Variants in METTL15 observed in about 807,000 individuals in gnomAD.
METTL15 encodes the protein methyltransferase 15, mitochondrial 12S rRNA N4-cytidine, also known as 12S rRNA N(4)-cytidine methyltransferase METTL15.
METTL15 carries 34 observed loss-of-function variants against 38.3 expected under a neutral mutation model. The ratio of observed to expected loss-of-function variants is 0.89; its 90% confidence interval spans 0.68 to 1.18. The LOEUF is 1.18. METTL15 is among the 50% of genes most tolerant of loss of function. The probability of loss-of-function intolerance (pLI) is 0.00; values close to 1 mark genes in which losing one functional copy is unlikely to be tolerated. For missense variants in METTL15, 438 were observed against 498.4 expected, an observed-to-expected ratio of 0.88 and a Z score of 1.15; for synonymous variants, 162 against 170.9, an observed-to-expected ratio of 0.95 and a Z score of 0.41.
At chr11:28,240,651 G>A (rs1854253250) in intron 4 of METTL15, among the ~76,000 whole-genome samples, 2 of 152,106 alleles carry the variant, frequency 1.3e-5, no homozygotes, top group African/African-American at 4.8e-5. Flanking sequence ...TTTAAAATAT[G>A]CCTAATCTTT....
chr11:28,163,501 C>A (rs996643161), intron 3 of METTL15: 5 of 397,676 alleles, frequency 1.3e-5, no homozygotes, highest in Non-Finnish European at 2.2e-5. Flanking sequence ...TTGCATAGAT[C>A]TTTCTAATAA....
intron 6 of METTL15, among the ~76,000 whole-genome samples, chr11:28,436,754 C>T (rs1457771015): frequency 1.3e-5 from 2 of 152,118 alleles, no homozygotes; most frequent in African/African-American, 2.4e-5. Context: ...GGGTAGAAAT[C>T]AGAGATCTCA....
chr11:28,151,295 T>C (rs1850080562), intron 3 of METTL15, among the ~76,000 whole-genome samples: 1 of 151,958 alleles, frequency 6.6e-6, no homozygotes, highest in East Asian at 1.9e-4. Flanking sequence ...GTGCCCACCT[T>C]CTCATCTCTT....
At chr11:28,489,708 A>T (rs1040458489) in intron 6 of METTL15, among the ~76,000 whole-genome samples, 1 of 152,070 alleles carries the variant, frequency 6.6e-6, no homozygotes, top group Admixed American at 6.6e-5. Flanking sequence ...TCTACTAGGT[A>T]TGTAACCTTG....
intron 6 of METTL15, among the ~76,000 whole-genome samples, chr11:28,476,593 T>G (rs1851348541): frequency 6.6e-6 from 1 of 152,194 alleles, no homozygotes; most frequent in Admixed American, 6.5e-5. Context: ...TCTAAACAGG[T>G]TAATCAATAT....
intron 5 of METTL15, among the ~76,000 whole-genome samples, chr11:28,371,566 T>C (rs1850243549): frequency 6.6e-6 from 1 of 152,004 alleles, no homozygotes; most frequent in Non-Finnish European, 1.5e-5. Flanking sequence ...TTCTGTGAAA[T>C]GACATTGATA....
chr11:28,138,930 A>G (rs1467948060), intron 3 of METTL15, among the ~76,000 whole-genome samples: 1 of 152,162 alleles, frequency 6.6e-6, no homozygotes, highest in Non-Finnish European at 1.5e-5. Flanking sequence ...AGCACACCAG[A>G]TTGGCTACAG....
rs374479423 is a variant in METTL15, at chr11:28,288,989, C to T, written c.408-1217C>T. The stretch of plus-strand genomic sequence containing the variant: ...CTCTCCTTTCTGTCCACTTACACAG[C>T]AGTGATGTTGTATTGGGGAAAAATT... On this transcript the variant is annotated intron_variant, in intron 4 of 6. Transcript: ENST00000407364. 3.9e-5 allele frequency among the ~76,000 whole-genome samples: 6 copies of T among 152,164 alleles called. No individual in the cohort carries two copies. In the East Asian group the frequency reaches 1.2e-3, roughly 29 times the overall value.
At chr11:28,225,270 C>T (rs1030340801) in intron 4 of METTL15, among the ~76,000 whole-genome samples, 3 of 151,662 alleles carry the variant, frequency 2.0e-5, no homozygotes, top group Admixed American at 1.3e-4. Context: ...TTCAATGGGC[C>T]TACTAGCCTT....
At chr11:28,134,073 A>G (rs1451675107) in intron 3 of METTL15, among the ~76,000 whole-genome samples, 2 of 152,180 alleles carry the variant, frequency 1.3e-5, no homozygotes, top group Non-Finnish European at 2.9e-5. Flanking sequence ...AACAGGAAAG[A>G]TATTCCTAAC....
intron 5 of METTL15, among the ~76,000 whole-genome samples, chr11:28,374,438 G>A (rs1334865037): frequency 2.7e-5 from 4 of 150,660 alleles, no homozygotes; most frequent in African/African-American, 9.7e-5. Flanking sequence ...TTGTGAATGG[G>A]AGTTCACTCA....
chr11:28,329,177 A>G (rs1849735887), intron 6 of METTL15, among the ~76,000 whole-genome samples: 2 of 152,144 alleles, frequency 1.3e-5, no homozygotes, highest in African/African-American at 2.4e-5. Flanking sequence ...ACATGTGGCT[A>G]TCCAATTGCC....
chr11:28,257,414 GA>G (rs915239677), intron 4 of METTL15, among the ~76,000 whole-genome samples: 1 of 152,108 alleles, frequency 6.6e-6, no homozygotes, highest in African/African-American at 2.4e-5. Context: ...TCTCGTACTT[GA>G]AAATTGATAT....
chr11:28,126,589 G>T (rs933524825), intron 3 of METTL15, among the ~76,000 whole-genome samples: 1 of 152,124 alleles, frequency 6.6e-6, no homozygotes, highest in Non-Finnish European at 1.5e-5. Context: ...GAGAGGCAAG[G>T]ATAGGGAGAA....
chr11:28,276,659 G>C (rs901433818), intron 4 of METTL15, among the ~76,000 whole-genome samples: 39 of 152,166 alleles, frequency 2.6e-4, no homozygotes, highest in African/African-American at 9.2e-4. Context: ...AACAAAGTTA[G>C]AGGCATCACA....
intron 3 of METTL15, among the ~76,000 whole-genome samples, chr11:28,194,122 A>ATCTTTCTCTCTTTCTTTCTTTCTT (rs1554995567): frequency 7.1e-5 from 7 of 99,168 alleles, no homozygotes; most frequent in African/African-American, 2.8e-4. Flanking sequence ...TTGATGGTTG[A>ATCTTTCTCTCTTTCTTTCTTTCTT]TCTTTCTTTC....
At chr11:28,249,206 AGC>A (rs1854635483) in intron 4 of METTL15, among the ~76,000 whole-genome samples, 1 of 151,948 alleles carries the variant, frequency 6.6e-6, no homozygotes, top group Non-Finnish European at 1.5e-5. Flanking sequence ...TTCAAACTTG[AGC>A]TTTTGCATCT....
chr11:28,119,675 A>G (rs1334421395), intron 3 of METTL15, among the ~76,000 whole-genome samples: 1 of 152,206 alleles, frequency 6.6e-6, no homozygotes, highest in Admixed American at 6.5e-5. Flanking sequence ...TTCTATAGTT[A>G]TGGTACTAGC....
chr11:28,324,054 A>G (rs1296766541), intron 6 of METTL15, among the ~76,000 whole-genome samples: 1 of 152,244 alleles, frequency 6.6e-6, no homozygotes, highest in Admixed American at 6.5e-5. Context: ...ATTTAACATG[A>G]AAACATCTTC....
Sources: gnomAD v4.1 joint callset for allele counts (sites outside exome capture counted in the v4.1 genomes callset) on GRCh38, gnomAD v4.1.1 for gene constraint, MANE v1.5 for transcripts, NCBI Gene and HGNC (gene_info 2026-07-23, HGNC 2026-07-21) for gene names.